Variants in GRIK1 observed in about 807,000 individuals in gnomAD.
The protein encoded by GRIK1 is glutamate ionotropic receptor kainate type subunit 1, also known as glutamate receptor ionotropic, kainate 1.
Under a neutral mutation model 105.7 loss-of-function variants are expected in GRIK1, and 69 were observed. The observed-to-expected ratio is 0.65, with a 90% CI of 0.54 to 0.80. The LOEUF is 0.80. GRIK1 is among the 30% of genes least tolerant of loss of function. The pLI, the probability that GRIK1 is intolerant of heterozygous loss-of-function variation, is 0.00. For missense variants in GRIK1, 1,109 were observed against 1,167.3 expected, an observed-to-expected ratio of 0.95 and a Z score of 0.73; for synonymous variants, 438 against 431.3, an observed-to-expected ratio of 1.02 and a Z score of -0.19.
At chr21:29,754,744 C>T (rs2065291830) in intron 1 of GRIK1, among the ~76,000 whole-genome samples, 1 of 152,158 alleles carries the variant, frequency 6.6e-6, no homozygotes, top group African/African-American at 2.4e-5. Flanking sequence ...TTTCCATAAT[C>T]TGGGTGGGCC....
chr21:29,659,658 G>A (rs1048925137), intron 4 of GRIK1, among the ~76,000 whole-genome samples: 3 of 152,012 alleles, frequency 2.0e-5, no homozygotes, highest in Non-Finnish European at 4.4e-5. Flanking sequence ...TCATCAGAAG[G>A]CAGAATAAAA....
In GRIK1 at chr21:29,939,620, C is replaced by T. The variant is rs1001549860; in HGVS notation, c.-120G>A. ...GGATGCTCCGGTTCCAAGCACGCTGCGCGCTCCCCACGGAGCGAGCTCGAG... is the reference window on the plus strand; with the variant it reads ...GGATGCTCCGGTTCCAAGCACGCTGTGCGCTCCCCACGGAGCGAGCTCGAG... On this transcript the variant is annotated 5_prime_UTR_variant, in exon 1 of 18. Transcript: ENST00000327783. 4 of 620,858 alleles carry T rather than the reference C, an allele frequency of 6.4e-6. No individual in the cohort carries two copies. The highest frequency in any genetic ancestry group is 1.1e-5 in the Non-Finnish European group (4 of 371,194). The allele number at this position is 620,858 out of a possible 1,614,324, so 38.5% of individuals were successfully genotyped here.
At chr21:29,550,260 A>G (rs943923232) in intron 16 of GRIK1, among the ~76,000 whole-genome samples, 1 of 152,140 alleles carries the variant, frequency 6.6e-6, no homozygotes, top group African/African-American at 2.4e-5. Flanking sequence ...CATGATATCA[A>G]TTGAATATCA....
chr21:29,617,498 C>T (rs1002818160), intron 7 of GRIK1, among the ~76,000 whole-genome samples: 3 of 152,206 alleles, frequency 2.0e-5, no homozygotes, highest in Admixed American at 6.5e-5. Flanking sequence ...TTAAAAGATG[C>T]ATGTTATGTG....
intron 1 of GRIK1, among the ~76,000 whole-genome samples, chr21:29,745,001 T>A (rs972961475): frequency 6.6e-6 from 1 of 152,128 alleles, no homozygotes; most frequent in Non-Finnish European, 1.5e-5. Context: ...GTAGTCCCCT[T>A]CCCTTGAAAG....
At chr21:29,934,113 A>G (rs2071666186) in intron 1 of GRIK1, among the ~76,000 whole-genome samples, 1 of 152,210 alleles carries the variant, frequency 6.6e-6, no homozygotes, top group Non-Finnish European at 1.5e-5. Context: ...AGTTAATTGT[A>G]CACTCTAACA....
Position 29,939,372 on chromosome 21 carries a change from G to A in GRIK1, c.118+11C>T, listed in dbSNP as rs1327782410. ...CACGTCTCCCGAGCAGGCAGCCTGG[G>A]GCTCACTCACCGATCCTGAGTACTT... On this transcript the variant is annotated intron_variant, in intron 1 of 17. Coordinates refer to ENST00000327783, the MANE Select transcript of GRIK1 (RefSeq NM_001330994.2). The A allele has an allele frequency of 5.6e-6, 8 of 1,423,074 alleles. No homozygotes were observed. The highest frequency in any genetic ancestry group is 1.4e-5 in the African/African-American group (1 of 70,530). The allele number at this position is 1,423,074 out of a possible 1,614,324, so 88.2% of individuals were successfully genotyped here. A position where few individuals can be genotyped will look rare whatever the true frequency, so the allele number is the denominator to read the frequency against.
At chr21:29,892,404 C>T (rs550857718) in intron 1 of GRIK1, among the ~76,000 whole-genome samples, 40 of 152,242 alleles carry the variant, frequency 2.6e-4, no homozygotes, top group African/African-American at 7.5e-4. Context: ...TCTATTTACG[C>T]GGAGGGAAGA....
chr21:29,679,407 A>C (rs1248326465), intron 3 of GRIK1, among the ~76,000 whole-genome samples: 1 of 152,178 alleles, frequency 6.6e-6, no homozygotes, highest in Non-Finnish European at 1.5e-5. Flanking sequence ...GGCTAGAGGC[A>C]TCTGTCTGGT....
chr21:29,586,832 T>C (rs2091140093), intron 12 of GRIK1, among the ~76,000 whole-genome samples: 1 of 152,232 alleles, frequency 6.6e-6, no homozygotes, highest in Admixed American at 6.5e-5. Flanking sequence ...CCTTTCAGCA[T>C]TATTTCTAGA....
At chr21:29,752,454 G>A (rs1010762919) in intron 1 of GRIK1, among the ~76,000 whole-genome samples, 1 of 152,170 alleles carries the variant, frequency 6.6e-6, no homozygotes, top group Non-Finnish European at 1.5e-5. Flanking sequence ...CTTCTTCTTT[G>A]CAAGAAGCTT....
chr21:29,698,243 T>A (rs934132698), intron 1 of GRIK1, among the ~76,000 whole-genome samples: 1 of 152,146 alleles, frequency 6.6e-6, no homozygotes, highest in African/African-American at 2.4e-5. Flanking sequence ...TTCCTCTTCC[T>A]CTCTCTGTCT....
intron 2 of GRIK1, among the ~76,000 whole-genome samples, chr21:29,691,109 G>A (rs568806624): frequency 4.1e-4 from 63 of 151,862 alleles, no homozygotes; most frequent in African/African-American, 1.4e-3. Context: ...TCAGGAGTTC[G>A]AGACCTGCCT....
At chr21:29,710,574 T>C (rs28585397) in intron 1 of GRIK1, among the ~76,000 whole-genome samples, 2 of 152,120 alleles carry the variant, frequency 1.3e-5, no homozygotes, top group African/African-American at 4.8e-5. Context: ...TTTAGACTGT[T>C]ACCTATTTCA....
At chr21:29,621,262 A>G (rs1033003702) in intron 7 of GRIK1, among the ~76,000 whole-genome samples, 2 of 152,214 alleles carry the variant, frequency 1.3e-5, no homozygotes, top group Non-Finnish European at 2.9e-5. Context: ...ACCTGTTGAG[A>G]GAAGTCAGGG....
At chr21:29,813,633 C>T (rs1281919665) in intron 1 of GRIK1, among the ~76,000 whole-genome samples, 3 of 152,024 alleles carry the variant, frequency 2.0e-5, no homozygotes, top group Non-Finnish European at 2.9e-5. Context: ...GTGTCTGAAG[C>T]CACTGTGTCT....
chr21:29,841,457 T>G (rs1421764628), intron 1 of GRIK1, among the ~76,000 whole-genome samples: 1 of 152,174 alleles, frequency 6.6e-6, no homozygotes, highest in Non-Finnish European at 1.5e-5. Context: ...TTCTGATACA[T>G]TCTAAGAAGT....
rs1365984218 is a variant in GRIK1 at position 29,756,837 on chromosome 21, G to T, written c.119-62774C>A. 3.3e-5 allele frequency among the ~76,000 whole-genome samples: 5 copies of T among 152,246 alleles called. No individual in the cohort carries two copies. In the East Asian group the frequency reaches 9.6e-4, roughly 29 times the overall value. On this transcript the variant is annotated intron_variant, in intron 1 of 17. Coordinates refer to ENST00000327783, the MANE Select transcript of GRIK1 (RefSeq NM_001330994.2). ...CACTTGAAATACAAACCAGTGGCCGGGCGCGGTGGCTCACACCTGTAATCC... is the reference window on the plus strand; with the variant it reads ...CACTTGAAATACAAACCAGTGGCCGTGCGCGGTGGCTCACACCTGTAATCC...
At chr21:29,924,664 T>G (rs1280056110) in intron 1 of GRIK1, among the ~76,000 whole-genome samples, 4 of 152,234 alleles carry the variant, frequency 2.6e-5, no homozygotes, top group South Asian at 2.1e-4. Flanking sequence ...CGACCTTTTT[T>G]GTTTTTTTCA....
Sources: gnomAD v4.1 joint callset for allele counts (sites outside exome capture counted in the v4.1 genomes callset) on GRCh38, gnomAD v4.1.1 for gene constraint, MANE v1.5 for transcripts, NCBI Gene and HGNC (gene_info 2026-07-23, HGNC 2026-07-21) for gene names.